SYNJ2: variants seen among roughly 807,000 people sequenced by gnomAD.
The protein encoded by SYNJ2 is polyphosphatidylinositol phosphatase SYNJ2.
In SYNJ2, 116 loss-of-function variants were observed where a neutral mutation model predicts 141.3. That is an observed-to-expected ratio of 0.82 (90% CI 0.71 to 0.96). The LOEUF is 0.96. Ranked by LOEUF, SYNJ2 falls within the 40% of genes least tolerant of loss-of-function variation. The probability of loss-of-function intolerance (pLI) is 0.00; values close to 1 mark genes in which losing one functional copy is unlikely to be tolerated. For synonymous variants in SYNJ2, 745 were observed against 777.7 expected, an observed-to-expected ratio of 0.96 and a Z score of 0.70; for missense variants, 1,873 against 1,934.8, an observed-to-expected ratio of 0.97 and a Z score of 0.60.
At position 158,043,406 on chromosome 6, in the gene SYNJ2, C is replaced by T. The variant is rs1314427066; in HGVS notation, c.795+7C>T. The T allele has an allele frequency of 1.2e-6, 2 of 1,611,592 alleles. No individual in the cohort carries two copies. Among genetic ancestry groups the T allele is most frequent in the Non-Finnish European group, 1.7e-6 (2 of 1,178,060 alleles). ...GGAACAGCCAGGGCTTCAGGTAGGT[C>T]ATGAAAAAACTTAAATGTCCCCTTG... is the stretch of plus-strand genomic sequence containing the variant. On this transcript the variant is annotated splice_region_variant and intron_variant, in intron 5 of 26. Coordinates refer to ENST00000355585, the MANE Select transcript of SYNJ2 (RefSeq NM_003898.4). The surrounding 1 kb of genome is among the most constrained non-coding windows in gnomAD (Gnocchi z 4.0).
chr6:158,093,964 C>G (rs575581958), intron 26 of SYNJ2: 2 of 765,316 alleles, frequency 2.6e-6, no homozygotes, highest in Admixed American at 1.7e-5. Context: ...AGGACAGTAG[C>G]AGCCCAAAGA....
intron 4 of SYNJ2, among the ~76,000 whole-genome samples, chr6:158,042,547 T>G (rs1780005205): frequency 6.6e-6 from 1 of 152,272 alleles, no homozygotes; most frequent in Admixed American, 6.5e-5. Flanking sequence ...CGCCTGCCCC[T>G]GCTGGCGCTC....
rs555229326 is a variant in SYNJ2, at chr6:158,006,504, A to G, written c.128-10700A>G. 5.3e-5 allele frequency among the ~76,000 whole-genome samples: 8 copies of G among 152,292 alleles called. No homozygotes were observed. In the South Asian group the frequency reaches 1.7e-3, roughly 32 times the overall value. ...TCTCCTGGCCGCCAGGATGCCACGC[A>G]CTGCTGGGTTTTCTTGTATCTTCTT... On this transcript the variant is annotated intron_variant, in intron 1 of 26. Transcript: ENST00000355585.
Position 157,982,355 on chromosome 6 carries a change from G to C in SYNJ2, c.127+267G>C, listed in dbSNP as rs776393322. On this transcript the variant is annotated intron_variant, in intron 1 of 26. Transcript: ENST00000355585. This position sits in a 1 kb window ranked among gnomAD's most constrained non-coding sequence, Gnocchi z 4.0. ...GCGCCGCCAGAGGATATGGTTGCTG[G>C]ATAGCCGGCTGGGGCGCTTTGCGTA... Among the ~76,000 whole-genome samples, 1 of 152,172 alleles carries C rather than the reference G, an allele frequency of 6.6e-6. No individual in the cohort carries two copies. Among genetic ancestry groups the C allele is most frequent in the African/African-American group, 2.4e-5 (1 of 41,446 alleles).
chr6:158,051,210 C>G (rs1780546348), intron 5 of SYNJ2, among the ~76,000 whole-genome samples: 1 of 152,130 alleles, frequency 6.6e-6, no homozygotes, highest in South Asian at 2.1e-4. Context: ...TTACTGTGCT[C>G]CCATGGGGAA....
At chr6:158,021,191 A>G (rs905068853) in intron 2 of SYNJ2, among the ~76,000 whole-genome samples, 2 of 152,200 alleles carry the variant, frequency 1.3e-5, no homozygotes, top group Admixed American at 1.3e-4. Context: ...ATCCCAGACT[A>G]TAATGAATTG....
chr6:158,061,169 CCTT>C, intron 7 of SYNJ2, among the ~76,000 whole-genome samples: 1 of 152,244 alleles, frequency 6.6e-6, no homozygotes, highest in Non-Finnish European at 1.5e-5. Flanking sequence ...ACCCCCAAGT[CCTT>C]CTAGTCCTTC....
Position 158,071,818 on chromosome 6 carries a change from C to T in SYNJ2, c.2133+24C>T. ...TGGTGAGCGGCGCCGTGGGGACAGC[C>T]AGCACCTCCCTGCTCAGCTCAGTCC... On this transcript the variant is annotated intron_variant, in intron 15 of 26. Transcript: ENST00000355585. The surrounding 1 kb of genome is among the most constrained non-coding windows in gnomAD (Gnocchi z 4.3). The T allele has an allele frequency of 2.5e-6, 4 of 1,607,552 alleles. No individual in the cohort carries two copies. In the Middle Eastern group the frequency reaches 6.7e-4, roughly 267 times the overall value.
chr6:158,038,380 G>A (rs184005576), intron 4 of SYNJ2, among the ~76,000 whole-genome samples: 10 of 152,296 alleles, frequency 6.6e-5, no homozygotes, highest in African/African-American at 1.2e-4. Flanking sequence ...CAGCCGCTGC[G>A]GATGCTGCCC....
intron 2 of SYNJ2, among the ~76,000 whole-genome samples, chr6:158,020,461 A>G (rs1778708617): frequency 7.0e-6 from 1 of 141,974 alleles, no homozygotes; most frequent in South Asian, 2.2e-4. Context: ...TGTGACTCCA[A>G]CTGTGACTCC....
chr6:158,073,067 C>CT (rs1296464849), intron 15 of SYNJ2, among the ~76,000 whole-genome samples: 1 of 46,502 alleles, frequency 2.2e-5, no homozygotes, highest in African/African-American at 1.2e-4. Flanking sequence ...GAGACTCTGT[C>CT]TAAAAAAAAA....
chr6:158,003,251 G>T (rs1440433797), intron 1 of SYNJ2, among the ~76,000 whole-genome samples: 2 of 152,236 alleles, frequency 1.3e-5, no homozygotes, highest in Non-Finnish European at 2.9e-5. Flanking sequence ...AGCAGTGGGA[G>T]GACAGGAGAG....
chr6:158,084,086 C>T lies in SYNJ2; in HGVS notation c.3120C>T (p.Asp1040=), dbSNP rs1430911313. 1 of 1,614,058 alleles carries T rather than the reference C, an allele frequency of 6.2e-7. No individual in the cohort carries two copies. Among genetic ancestry groups the T allele is most frequent in the Non-Finnish European group, 8.5e-7 (1 of 1,180,024 alleles). The change falls in exon 22 of 27, where the codon GAC becomes GAT. Residue 1040 remains aspartate, a synonymous_variant. Coordinates refer to ENST00000355585, the MANE Select transcript of SYNJ2 (RefSeq NM_003898.4). The surrounding 1 kb of genome is among the most constrained non-coding windows in gnomAD (Gnocchi z 5.0). ...GVSDSELGGD[D]LSDVPGPTAL... ...CGGACAGTGAACTCGGGGGAGACGA[C>T]CTCTCTGATGTCCCCGGCCCCACAG...
intron 5 of SYNJ2, among the ~76,000 whole-genome samples, chr6:158,054,433 G>A (rs935003673): frequency 1.5e-4 from 23 of 152,196 alleles, no homozygotes; most frequent in Non-Finnish European, 4.4e-5. Context: ...GCCAGCAAAA[G>A]CCCCTTTAAG....
At chr6:158,026,778 C>T (rs1490624153) in intron 2 of SYNJ2, 2 of 974,562 alleles carry the variant, frequency 2.1e-6, no homozygotes, top group South Asian at 4.7e-5. Flanking sequence ...ATCCTCCTGC[C>T]TCTCCGAGGG....
At chr6:158,017,856 C>A (rs1778550988) in intron 2 of SYNJ2, 1 of 493,562 alleles carries the variant, frequency 2.0e-6, no homozygotes, top group Non-Finnish European at 4.2e-6. Context: ...TCCCGGCACC[C>A]CCACCCTGTG....
intron 8 of SYNJ2, 30 bp from the exon 9 acceptor site, chr6:158,063,761 A>G (rs1373690682): frequency 6.2e-7 from 1 of 1,604,744 alleles, no homozygotes; most frequent in African/African-American, 1.3e-5. Flanking sequence ...AAAACAACAT[A>G]TAACCGTTTA....
At chr6:158,014,994 A>C (rs1401918591) in intron 1 of SYNJ2, among the ~76,000 whole-genome samples, 1 of 152,216 alleles carries the variant, frequency 6.6e-6, no homozygotes, top group African/African-American at 2.4e-5. Flanking sequence ...GGAACCAGGA[A>C]ATCAAATGTG....
rs367875600 is a variant in SYNJ2, at chr6:157,990,338, CCTT to C, written c.127+8253_127+8255del. On this transcript the variant is annotated intron_variant, in intron 1 of 26. Coordinates refer to ENST00000355585, the MANE Select transcript of SYNJ2 (RefSeq NM_003898.4). ...TGCCCACTCTCTCATGCCTTCTTCT[CCTT>C]CTCCTTGGCGTGCCCCAAGCCAGCC... Among the ~76,000 whole-genome samples the C allele has an allele frequency of 6.4e-3, 981 of 152,302 alleles. 5 individuals are homozygous for C. Among genetic ancestry groups the C allele is most frequent in the African/African-American group, 0.022 (932 of 41,558 alleles).
Sources: gnomAD v4.1 joint callset for allele counts (sites outside exome capture counted in the v4.1 genomes callset) on GRCh38, gnomAD v4.1.1 for gene constraint, Gnocchi (gnomAD v3.1) non-coding constraint, MANE v1.5 for transcripts, NCBI Gene and HGNC (gene_info 2026-07-23, HGNC 2026-07-21) for gene names.